Variants in APP observed in about 807,000 individuals in gnomAD.
APP encodes the protein amyloid-beta precursor protein.
In APP, 31 loss-of-function variants were observed where a neutral mutation model predicts 101.4. The ratio of observed to expected loss-of-function variants is 0.31; its 90% CI spans 0.23 to 0.41. The LOEUF is 0.41. Among genes scored for constraint, APP ranks in the 10% least tolerant of loss-of-function variants. The pLI is 1.00. For missense variants in APP, 839 were observed against 1,003.7 expected (o/e 0.84, Z 2.22); for synonymous variants, 366 against 364.4 (o/e 1.00, Z -0.05).
intron 8 of APP, among the ~76,000 whole-genome samples, chr21:25,996,358 A>G (rs979760365): frequency 1.3e-5 from 2 of 152,148 alleles, no homozygotes; most frequent in African/African-American, 4.8e-5. Context: ...ACCGGGTCTT[A>G]TAACACACAT....
rs200600383 is a variant in APP, at chr21:25,881,283, G to C, written c.*387C>G. 2 of 265,440 alleles carry C rather than the reference G, an allele frequency of 7.5e-6. No individual in the cohort carries two copies. Among genetic ancestry groups the C allele is most frequent in the South Asian group, 9.1e-5 (2 of 22,084 alleles). The allele number at this position is 265,440 out of a possible 1,614,324, so 16.4% of individuals were successfully genotyped here. On this transcript the variant is annotated 3_prime_UTR_variant, in exon 18 of 18. Transcript: ENST00000346798. ...ACGTTCACATGAAGCATCCCCCATC[G>C]ATTCTTAAAGCATATGTAAAGTAGG...
At chr21:25,955,794 G>A (rs189836074) in intron 11 of APP, 39 bp from the exon 12 acceptor site, 2 of 1,613,520 alleles carry the variant, frequency 1.2e-6, no homozygotes, top group Non-Finnish European at 1.7e-6. Flanking sequence ...TCAAGTTTGT[G>A]CAAAACACTG....
At chr21:25,997,209 A>T in intron 8 of APP, 151 bp downstream of exon 8, 1 of 749,316 alleles carries the variant, frequency 1.3e-6, no homozygotes, top group South Asian at 1.7e-5. Flanking sequence ...ATCAGATGTA[A>T]TTACAAGCAA....
intron 13 of APP, among the ~76,000 whole-genome samples, chr21:25,931,746 G>C (rs1457292419): frequency 2.6e-5 from 4 of 152,198 alleles, no homozygotes; most frequent in Admixed American, 2.6e-4. Context: ...CTTGACCTGA[G>C]TTTAATCTAC....
At chr21:26,070,121 T>A (rs1449816878) in intron 3 of APP, among the ~76,000 whole-genome samples, 1 of 152,240 alleles carries the variant, frequency 6.6e-6, no homozygotes, top group Non-Finnish European at 1.5e-5. Flanking sequence ...TAAGTATACA[T>A]GATTCATCAA....
chr21:25,995,303 G>C (rs1175826875), intron 8 of APP, among the ~76,000 whole-genome samples: 1 of 152,170 alleles, frequency 6.6e-6, no homozygotes, highest in African/African-American at 2.4e-5. Flanking sequence ...CTCTATTCAT[G>C]GCATTTAGGA....
At chr21:26,138,342 C>A (rs1187926128) in intron 1 of APP, among the ~76,000 whole-genome samples, 1 of 151,904 alleles carries the variant, frequency 6.6e-6, no homozygotes, top group Non-Finnish European at 1.5e-5. Flanking sequence ...ATATACTATA[C>A]ACAAATATTG....
chr21:25,988,702 CAAAAAAA>C lies in APP; in HGVS notation c.1091-6232_1091-6226del, dbSNP rs537417600. ...GGGTGATAACAGCGAAACTCTGTCTCAAAAAAAAAAAAAAAAAAAAAGGAGACAAAGA... is the reference window on the plus strand; with the variant it reads ...GGGTGATAACAGCGAAACTCTGTCTCAAAAAAAAAAAAAAGGAGACAAAGA... On this transcript the variant is annotated intron_variant, in intron 8 of 17. Coordinates refer to ENST00000346798, the MANE Select transcript of APP (RefSeq NM_000484.4). Among the ~76,000 whole-genome samples, 17 of 62,364 alleles carry C rather than the reference CAAAAAAA, an allele frequency of 2.7e-4. No homozygotes were observed. In the South Asian group the frequency reaches 7.7e-3, roughly 28 times the overall value. The allele number at this position is 62,364 out of a possible 152,430, so 40.9% of individuals were successfully genotyped here. A position where few individuals can be genotyped will look rare whatever the true frequency, so the allele number is the denominator to read the frequency against.
chr21:26,147,566 C>T (rs1021970284), intron 1 of APP, among the ~76,000 whole-genome samples: 2 of 151,934 alleles, frequency 1.3e-5, no homozygotes. Flanking sequence ...TTTAGTTTTG[C>T]TTTATTGTCT....
chr21:25,999,937 A>G (rs1376249780), intron 7 of APP, 78 bp downstream of exon 7: 2 of 1,518,652 alleles, frequency 1.3e-6, no homozygotes, highest in East Asian at 4.8e-5. Context: ...AGAACCAGGA[A>G]AATCAATCTG....
intron 1 of APP, among the ~76,000 whole-genome samples, chr21:26,124,486 T>C (rs983046372): frequency 1.3e-5 from 2 of 152,228 alleles, no homozygotes; most frequent in Non-Finnish European, 2.9e-5. Context: ...CAGGCAACAT[T>C]TTAAAAATCA....
chr21:25,959,217 G>A (rs530470939), intron 11 of APP, among the ~76,000 whole-genome samples: 79 of 152,306 alleles, frequency 5.2e-4, no homozygotes, highest in African/African-American at 1.7e-3. Flanking sequence ...GGCAGGTCAC[G>A]AGGTCAGGAG....
chr21:26,148,932 G>C (rs991536793), intron 1 of APP, among the ~76,000 whole-genome samples: 2 of 152,190 alleles, frequency 1.3e-5, no homozygotes, highest in East Asian at 3.8e-4. Context: ...AAAGAGTTGT[G>C]ACTCAGATCC....
intron 15 of APP, among the ~76,000 whole-genome samples, chr21:25,901,566 AAGAC>A (rs58599199): frequency 0.015 from 2,254 of 152,316 alleles, 57 homozygotes; most frequent in African/African-American, 0.05. Context: ...ATCTTACTAA[AAGAC>A]AAAATCAGTA....
chr21:26,127,346 A>G (rs2062705691), intron 1 of APP, among the ~76,000 whole-genome samples: 1 of 152,234 alleles, frequency 6.6e-6, no homozygotes, highest in South Asian at 2.1e-4. Context: ...CAATCATTTC[A>G]TAATGAACAA....
chr21:26,154,385 AG>A (rs1015166528), intron 1 of APP, among the ~76,000 whole-genome samples: 1 of 152,166 alleles, frequency 6.6e-6, no homozygotes, highest in African/African-American at 2.4e-5. Context: ...GGGTCCCAAA[AG>A]GTCCCCCCAT....
intron 7 of APP, among the ~76,000 whole-genome samples, chr21:25,998,335 A>C (rs1360443212): frequency 6.6e-6 from 1 of 151,752 alleles, no homozygotes; most frequent in Non-Finnish European, 1.5e-5. Flanking sequence ...GCTTTGTTTG[A>C]AACTGAAGAA....
At chr21:26,005,419 A>C (rs1016313750) in intron 6 of APP, among the ~76,000 whole-genome samples, 13 of 152,192 alleles carry the variant, frequency 8.5e-5, no homozygotes, top group African/African-American at 3.1e-4. Context: ...GTGTCAAAAA[A>C]AGAAAAAAAT....
chr21:26,147,238 A>G (rs989168917), intron 1 of APP, among the ~76,000 whole-genome samples: 1 of 152,314 alleles, frequency 6.6e-6, no homozygotes, highest in South Asian at 2.1e-4. Flanking sequence ...AAAGACAGAG[A>G]GCCTGCTTTT....
Sources: gnomAD v4.1 joint callset for allele counts (sites outside exome capture counted in the v4.1 genomes callset) on GRCh38, gnomAD v4.1.1 for gene constraint, MANE v1.5 for transcripts, NCBI Gene and HGNC (gene_info 2026-07-23, HGNC 2026-07-21) for gene names.